The following JMJD1C variants were observed in gnomAD, a reference collection of about 807,000 sequenced individuals.
JMJD1C encodes the protein jumonji domain-containing protein 1C.
A neutral mutation model predicts 245.3 loss-of-function variants in JMJD1C; 31 were observed. That is an observed-to-expected ratio of 0.13 (90% CI 0.09 to 0.17). The LOEUF is 0.17. Ranked by LOEUF, JMJD1C falls within the 10% of genes least tolerant of loss-of-function variation. The pLI is 1.00. For synonymous variants in JMJD1C, 1,057 were observed against 1,017.4 expected (o/e 1.04, Z -0.74); for missense variants, 2,691 against 3,000.2 (o/e 0.90, Z 2.41).
chr10:63,517,719 A>G (rs1444914896), intron 1 of JMJD1C, among the ~76,000 whole-genome samples: 2 of 151,392 alleles, frequency 1.3e-5, no homozygotes, highest in Non-Finnish European at 2.9e-5. Flanking sequence ...AGAAGGTACT[A>G]TATTTCCTTT....
intron 20 of JMJD1C, among the ~76,000 whole-genome samples, chr10:63,185,193 C>T (rs964581549): frequency 6.6e-5 from 10 of 152,202 alleles, no homozygotes; most frequent in Admixed American, 2.6e-4. Context: ...TTCAGTGGCA[C>T]GATCTCAGCT....
chr10:63,511,314 C>G (rs535290866), intron 1 of JMJD1C, among the ~76,000 whole-genome samples: 1 of 152,240 alleles, frequency 6.6e-6, no homozygotes, highest in South Asian at 2.1e-4. Context: ...CATTTTCTCC[C>G]TTTTCTTGGC....
intron 1 of JMJD1C, among the ~76,000 whole-genome samples, chr10:63,498,769 A>G (rs1954441833): frequency 6.6e-6 from 1 of 152,174 alleles, no homozygotes; most frequent in Non-Finnish European, 1.5e-5. Context: ...GTTTAAGTAT[A>G]CAGTACAGTG....
intron 1 of JMJD1C, among the ~76,000 whole-genome samples, chr10:63,445,110 GTAGTCCCAGC>G (rs1361883619): frequency 3.3e-5 from 5 of 149,354 alleles, no homozygotes; most frequent in Non-Finnish European, 7.4e-5. Context: ...GTACACATCT[GTAGTCCCAGC>G]TACTTGGGTG....
At chr10:63,307,240 T>G (rs1181927931) in intron 2 of JMJD1C, among the ~76,000 whole-genome samples, 1 of 152,092 alleles carries the variant, frequency 6.6e-6, no homozygotes, top group Admixed American at 6.5e-5. Context: ...TTTACAAAAA[T>G]AGTTAACAGA....
At chr10:63,268,780 T>TA in intron 2 of JMJD1C, 1 of 985,640 alleles carries the variant, frequency 1.0e-6, no homozygotes, top group Non-Finnish European at 1.2e-6. Flanking sequence ...CTAGTGTAAA[T>TA]ACTTCTTTAG....
chr10:63,463,475 T>C (rs956480454), intron 1 of JMJD1C, among the ~76,000 whole-genome samples: 3 of 152,196 alleles, frequency 2.0e-5, no homozygotes, highest in South Asian at 4.1e-4. Context: ...CCTAATTTCA[T>C]GTAACTTAAA....
intron 1 of JMJD1C, among the ~76,000 whole-genome samples, chr10:63,473,618 T>C (rs1953562957): frequency 6.6e-6 from 1 of 152,214 alleles, no homozygotes; most frequent in Non-Finnish European, 1.5e-5. Context: ...ACATTCTTAA[T>C]GTACTTTTAC....
At chr10:63,222,335 C>G in intron 3 of JMJD1C, 1 of 1,343,882 alleles carries the variant, frequency 7.4e-7, no homozygotes, top group Non-Finnish European at 1.1e-6. Context: ...TAAAGATGCA[C>G]TGCATTTGGC....
At chr10:63,287,486 A>C (rs1021340240) in intron 2 of JMJD1C, among the ~76,000 whole-genome samples, 1 of 152,256 alleles carries the variant, frequency 6.6e-6, no homozygotes, top group Non-Finnish European at 1.5e-5. Flanking sequence ...CATTAGAAAC[A>C]TAAGAAAATA....
intron 1 of JMJD1C, among the ~76,000 whole-genome samples, chr10:63,511,852 C>G (rs1402470854): frequency 6.6e-6 from 1 of 152,150 alleles, no homozygotes; most frequent in Non-Finnish European, 1.5e-5. Context: ...ACTCAAGGAG[C>G]CCTGGAACCA....
At chr10:63,415,682 G>T (rs1234346558) in intron 1 of JMJD1C, among the ~76,000 whole-genome samples, 1 of 152,068 alleles carries the variant, frequency 6.6e-6, no homozygotes, top group Non-Finnish European at 1.5e-5. Context: ...ATACAAAACA[G>T]TTACAAAACT....
chr10:63,222,138 G>C, intron 3 of JMJD1C: 1 of 713,296 alleles, frequency 1.4e-6, no homozygotes, highest in Non-Finnish European at 2.6e-6. Context: ...CGCCAGGGAG[G>C]TCCCCCATCT....
chr10:63,180,792 G>A (rs1454626011), intron 22 of JMJD1C, among the ~76,000 whole-genome samples: 3 of 148,472 alleles, frequency 2.0e-5, no homozygotes, highest in South Asian at 2.1e-4. Context: ...TTTTTGAGAC[G>A]GAGTCTCGCT....
intron 1 of JMJD1C, among the ~76,000 whole-genome samples, chr10:63,449,440 T>C (rs182439899): frequency 5.5e-4 from 83 of 152,282 alleles, no homozygotes; most frequent in African/African-American, 1.9e-3. Flanking sequence ...TTTTCATATA[T>C]ATAAAGTCTA....
chr10:63,498,410 A>G (rs1954429002), intron 1 of JMJD1C, among the ~76,000 whole-genome samples: 1 of 152,158 alleles, frequency 6.6e-6, no homozygotes, highest in Admixed American at 6.5e-5. Flanking sequence ...TTTTGCCCCT[A>G]GTGAAAAAAA....
At chr10:63,394,623 T>C (rs1948332537) in intron 1 of JMJD1C, among the ~76,000 whole-genome samples, 1 of 152,118 alleles carries the variant, frequency 6.6e-6, no homozygotes, top group Admixed American at 6.6e-5. Context: ...GGCAGATAGA[T>C]CACCTGAGGT....
chr10:63,187,014 C>G (rs975366867), intron 18 of JMJD1C, among the ~76,000 whole-genome samples: 2 of 152,062 alleles, frequency 1.3e-5, no homozygotes, highest in Admixed American at 1.3e-4. Context: ...ACAGCAAAAC[C>G]CTGTCTCCAG....
chr10:63,331,947 C>T (rs1043955215), intron 2 of JMJD1C, among the ~76,000 whole-genome samples: 2 of 152,160 alleles, frequency 1.3e-5, no homozygotes, highest in Non-Finnish European at 2.9e-5. Context: ...CCACAGATTA[C>T]TGTATATTCC....
Sources: allele counts gnomAD v4.1 joint callset (sites outside exome capture counted in the v4.1 genomes callset), GRCh38; gene constraint gnomAD v4.1.1; transcripts MANE v1.5; gene names NCBI Gene and HGNC (gene_info 2026-07-23, HGNC 2026-07-21).